Variants in PROM1 observed in about 807,000 individuals in gnomAD.
PROM1 encodes prominin-1.
In PROM1, 105 loss-of-function variants were observed where a neutral mutation model predicts 116.9. The ratio of observed to expected loss-of-function variants is 0.90; its 90% CI spans 0.77 to 1.06. The LOEUF (loss-of-function observed/expected upper bound fraction) is 1.06. Among genes scored for constraint, PROM1 ranks in the 50% least tolerant of loss-of-function variants. PROM1 has a pLI of 0.00. For missense variants in PROM1, 1,122 were observed against 1,045.2 expected (o/e 1.07, Z -1.01); for synonymous variants, 393 against 387.0 (o/e 1.02, Z -0.18).
chr4:16,004,506 C>A (rs1178532212), intron 13 of PROM1, among the ~76,000 whole-genome samples: 2 of 151,942 alleles, frequency 1.3e-5, no homozygotes, highest in Admixed American at 6.6e-5. Context: ...AGCAATTTAC[C>A]CTACCTTTCA....
intron 1 of PROM1, among the ~76,000 whole-genome samples, chr4:16,078,861 C>G (rs982541727): frequency 6.6e-6 from 1 of 152,196 alleles, no homozygotes; most frequent in Non-Finnish European, 1.5e-5. Context: ...TCCTGTCCCA[C>G]TCCAATTACT....
At chr4:15,997,813 G>A (rs896439688) in intron 15 of PROM1, among the ~76,000 whole-genome samples, 1 of 152,156 alleles carries the variant, frequency 6.6e-6, no homozygotes, top group Non-Finnish European at 1.5e-5. Flanking sequence ...TCCAAATGAT[G>A]TGTCAGGCAC....
intron 25 of PROM1, 142 bp downstream of exon 25, chr4:15,979,739 T>C (rs1717274263): frequency 2.2e-6 from 2 of 908,520 alleles, no homozygotes; most frequent in Non-Finnish European, 3.3e-6. Context: ...TTTAAGACCA[T>C]TGCAATTTAT....
chr4:15,985,891 A>AAG, intron 21 of PROM1, 63 bp from the exon 22 acceptor site: 1 of 135,770 alleles, frequency 7.4e-6, no homozygotes, highest in Non-Finnish European at 1.2e-5. Context: ...AAACATTATA[A>AAG]ATATTTAATC....
intron 2 of PROM1, among the ~76,000 whole-genome samples, chr4:16,067,260 G>A (rs2149539251): frequency 6.6e-6 from 1 of 152,328 alleles, no homozygotes. Context: ...ATCAGGGTGT[G>A]TGACCCTAGA....
intron 2 of PROM1, among the ~76,000 whole-genome samples, chr4:16,063,777 A>G (rs900052248): frequency 1.3e-5 from 2 of 152,362 alleles, no homozygotes; most frequent in African/African-American, 2.4e-5. Context: ...TAACTTCCAC[A>G]GCATATAATA....
chr4:16,001,047 T>C (rs1477569976), intron 13 of PROM1, among the ~76,000 whole-genome samples: 4 of 152,198 alleles, frequency 2.6e-5, no homozygotes, highest in Non-Finnish European at 5.9e-5. Flanking sequence ...AAGGATAGAC[T>C]GGACAGGTGC....
chr4:16,062,323 G>A (rs546800520), intron 2 of PROM1, among the ~76,000 whole-genome samples: 6 of 152,200 alleles, frequency 3.9e-5, no homozygotes, highest in East Asian at 3.9e-4. Flanking sequence ...GAGGTACTTC[G>A]GGTTAGAAAT....
At chr4:15,976,413 A>G (rs1716142628) in intron 26 of PROM1, among the ~76,000 whole-genome samples, 1 of 152,214 alleles carries the variant, frequency 6.6e-6, no homozygotes, top group African/African-American at 2.4e-5. Flanking sequence ...TTGAGCCTAG[A>G]GAATTAAGTC....
chr4:16,015,157 C>T (rs1457969706), intron 10 of PROM1, among the ~76,000 whole-genome samples: 4 of 151,628 alleles, frequency 2.6e-5, no homozygotes, highest in African/African-American at 7.3e-5. Context: ...ACCAGCCTGG[C>T]CAACATGGCA....
chr4:15,978,636 G>C (rs1223186173), intron 26 of PROM1, among the ~76,000 whole-genome samples: 1 of 152,236 alleles, frequency 6.6e-6, no homozygotes, highest in Non-Finnish European at 1.5e-5. Context: ...TTGCATCTGA[G>C]ACATCACTGT....
chr4:15,994,731 G>A (rs907309918), intron 15 of PROM1, among the ~76,000 whole-genome samples: 1 of 152,168 alleles, frequency 6.6e-6, no homozygotes, highest in African/African-American at 2.4e-5. Context: ...CATTGGATGT[G>A]TATTCCTGCC....
At chr4:16,011,258 A>C (rs562129245) in intron 11 of PROM1, among the ~76,000 whole-genome samples, 1 of 152,186 alleles carries the variant, frequency 6.6e-6, no homozygotes, top group East Asian at 1.9e-4. Context: ...CCCTGACACA[A>C]ACCTGGTCAT....
At chr4:16,030,605 GTTTA>G (rs1024698869) in intron 5 of PROM1, among the ~76,000 whole-genome samples, 21 of 152,050 alleles carry the variant, frequency 1.4e-4, no homozygotes, top group African/African-American at 5.1e-4. Flanking sequence ...TGGAAGCCAA[GTTTA>G]TTTTTTACTT....
chr4:16,070,245 C>T (rs1473088032), intron 2 of PROM1, among the ~76,000 whole-genome samples: 1 of 152,100 alleles, frequency 6.6e-6, no homozygotes, highest in Admixed American at 6.5e-5. Flanking sequence ...CTGTCTCCAT[C>T]GTTAACGGAC....
intron 2 of PROM1, among the ~76,000 whole-genome samples, chr4:16,049,971 T>C (rs1458681163): frequency 6.6e-6 from 1 of 151,972 alleles, no homozygotes; most frequent in South Asian, 2.1e-4. Flanking sequence ...CACCATAAAT[T>C]TGATGTTTGG....
intron 2 of PROM1, among the ~76,000 whole-genome samples, chr4:16,073,014 TA>T (rs1191671843): frequency 6.6e-6 from 1 of 152,070 alleles, no homozygotes; most frequent in Non-Finnish European, 1.5e-5. Flanking sequence ...AAATTATACT[TA>T]AAAACCCCAA....
chr4:16,038,524 T>G (rs1734446238), intron 3 of PROM1, among the ~76,000 whole-genome samples: 1 of 152,174 alleles, frequency 6.6e-6, no homozygotes, highest in Admixed American at 6.5e-5. Flanking sequence ...TGCCTCAGCC[T>G]CCCGAATACT....
chr4:15,981,743 A>G (rs1195527472), intron 23 of PROM1, among the ~76,000 whole-genome samples: 2 of 152,194 alleles, frequency 1.3e-5, no homozygotes, highest in African/African-American at 2.4e-5. Context: ...AATTTAACCA[A>G]TCTTGAAGGT....
Sources: gnomAD v4.1 joint callset for allele counts (sites outside exome capture counted in the v4.1 genomes callset) on GRCh38, gnomAD v4.1.1 for gene constraint, MANE v1.5 for transcripts, NCBI Gene and HGNC (gene_info 2026-07-23, HGNC 2026-07-21) for gene names.